The following SNX13 variants were observed in gnomAD, a reference collection of about 807,000 sequenced individuals.
SNX13 encodes sorting nexin-13.
Under a neutral mutation model 133.6 loss-of-function variants are expected in SNX13, and 45 were observed. The observed-to-expected ratio is 0.34, with a 90% CI of 0.27 to 0.43. The LOEUF is 0.43. SNX13 is among the 20% of genes least tolerant of loss of function. The pLI, the probability that SNX13 is intolerant of heterozygous loss-of-function variation, is 1.00. For missense variants in SNX13, 1,032 were observed against 1,145.1 expected, an observed-to-expected ratio of 0.90 and a Z score of 1.43; for synonymous variants, 414 against 373.9, an observed-to-expected ratio of 1.11 and a Z score of -1.24.
intron 12 of SNX13, among the ~76,000 whole-genome samples, chr7:17,842,834 A>C (rs1201397466): frequency 6.6e-6 from 1 of 152,038 alleles, no homozygotes; most frequent in Non-Finnish European, 1.5e-5. Context: ...CAAAGTTTTG[A>C]ATACATTTGA....
intron 1 of SNX13, among the ~76,000 whole-genome samples, chr7:17,911,593 G>A (rs1367525384): frequency 2.0e-5 from 3 of 148,910 alleles, no homozygotes; most frequent in South Asian, 2.1e-4. Context: ...AGCCAAGATC[G>A]CGCCACTGCA....
chr7:17,928,018 A>ATTG (rs1800957173), intron 1 of SNX13, among the ~76,000 whole-genome samples: 2 of 152,172 alleles, frequency 1.3e-5, no homozygotes, highest in African/African-American at 2.4e-5. Context: ...AATACAATAA[A>ATTG]AGTCCTAATA....
At chr7:17,870,602 T>A (rs1334332346) in intron 8 of SNX13, among the ~76,000 whole-genome samples, 2 of 152,232 alleles carry the variant, frequency 1.3e-5, no homozygotes, top group East Asian at 1.9e-4. Flanking sequence ...AGGAGTCAAC[T>A]TAATCTTCAA....
intron 20 of SNX13, among the ~76,000 whole-genome samples, chr7:17,811,302 G>C (rs895862824): frequency 2.0e-5 from 3 of 152,154 alleles, no homozygotes; most frequent in Non-Finnish European, 4.4e-5. Context: ...CTTCAGCAAA[G>C]TCCCAGGATA....
At chr7:17,872,051 G>A (rs991572976) in intron 8 of SNX13, among the ~76,000 whole-genome samples, 2 of 152,328 alleles carry the variant, frequency 1.3e-5, no homozygotes, top group East Asian at 3.9e-4. Flanking sequence ...AGTCACTCAA[G>A]TGGTGATTTC....
intron 1 of SNX13, among the ~76,000 whole-genome samples, chr7:17,922,250 C>A (rs991943072): frequency 8.5e-5 from 13 of 152,216 alleles, no homozygotes; most frequent in Non-Finnish European, 1.8e-4. Context: ...AGAATACTCA[C>A]AACAGGGCAG....
chr7:17,842,687 C>T (rs1790040141), intron 12 of SNX13, among the ~76,000 whole-genome samples: 1 of 151,908 alleles, frequency 6.6e-6, no homozygotes, highest in Admixed American at 6.6e-5. Context: ...TTTGTTACTG[C>T]ACATCCTGGT....
chr7:17,861,454 A>G (rs1323110845), intron 9 of SNX13, among the ~76,000 whole-genome samples: 1 of 152,092 alleles, frequency 6.6e-6, no homozygotes, highest in Non-Finnish European at 1.5e-5. Context: ...CACAGCTGTC[A>G]CACTAACGTA....
In SNX13 at chr7:17,891,653, T is replaced by C. The variant is rs1375512708; in HGVS notation, c.229-18A>G. The C allele has an allele frequency of 6.4e-7, 1 of 1,566,776 alleles. No homozygotes were observed. The highest frequency in any genetic ancestry group is 8.8e-7 in the Non-Finnish European group (1 of 1,139,656). On this transcript the variant is annotated intron_variant, in intron 3 of 25. Coordinates refer to ENST00000428135, the MANE Select transcript of SNX13 (RefSeq NM_015132.5). ...TCTAAGCACTTAAAGGAAATCAAAA[T>C]ATCTTACTGAGTAGTTTTCTGATGT...
intron 1 of SNX13, among the ~76,000 whole-genome samples, chr7:17,927,479 G>T (rs917653876): frequency 6.6e-6 from 1 of 152,052 alleles, no homozygotes; most frequent in Admixed American, 6.6e-5. Context: ...ATGGGCTCAA[G>T]CAATCCTTTC....
chr7:17,897,722 TAC>T (rs1387023075), intron 1 of SNX13: 2 of 203,976 alleles, frequency 9.8e-6, no homozygotes, highest in Non-Finnish European at 1.9e-5. Context: ...GAAATAGTTA[TAC>T]AAACTGTTAA....
Position 17,839,914 on chromosome 7 carries a change from C to T in SNX13, c.1252G>A (p.Glu418Lys). Residue 418 changes from glutamate to lysine, a missense_variant, in exon 13 of 26, where the codon GAA becomes AAA. Physicochemically the swap from Glu to Lys is moderately conservative, Grantham distance 56. Coordinates refer to ENST00000428135, the MANE Select transcript of SNX13 (RefSeq NM_015132.5). ...GYRVTAQQQL[E>K]VLLSRQRDGK... The stretch of plus-strand genomic sequence containing the variant: ...TCTCTCTGACGACTTAATAAAACTT[C>T]TAGCTGCTGTTGGGCGGTAACCCGG... The T allele has an allele frequency of 6.2e-7, 1 of 1,612,120 alleles. No individual in the cohort carries two copies. Among genetic ancestry groups the T allele is most frequent in the Non-Finnish European group, 8.5e-7 (1 of 1,178,724 alleles).
intron 9 of SNX13, among the ~76,000 whole-genome samples, chr7:17,859,267 G>GA (rs745478979): frequency 6.6e-6 from 1 of 151,872 alleles, no homozygotes; most frequent in Non-Finnish European, 1.5e-5. Flanking sequence ...TAAACGGGGA[G>GA]AAAATGAGCA....
At chr7:17,903,479 C>A (rs967172900) in intron 1 of SNX13, among the ~76,000 whole-genome samples, 3 of 152,188 alleles carry the variant, frequency 2.0e-5, no homozygotes, top group African/African-American at 7.2e-5. Flanking sequence ...GGAGTTAGGA[C>A]TAGCTGAATT....
intron 20 of SNX13, among the ~76,000 whole-genome samples, chr7:17,805,956 A>C (rs1043909517): frequency 1.3e-5 from 2 of 152,236 alleles, no homozygotes; most frequent in Admixed American, 6.5e-5. Context: ...ATAAAAGCAA[A>C]GTCCATCATT....
intron 25 of SNX13, chr7:17,795,092 T>C (rs1363056005): frequency 2.6e-5 from 4 of 151,446 alleles, no homozygotes; most frequent in Non-Finnish European, 5.9e-5. Flanking sequence ...GAAATAGGGA[T>C]AGTACAAGTT....
Position 17,834,071 on chromosome 7 carries a change from T to A in SNX13, c.1578A>T (p.Gly526=), listed in dbSNP as rs1033719208. 6.4e-7 allele frequency: 1 copy of A among 1,574,764 alleles called. No homozygotes were observed. Among genetic ancestry groups the A allele is most frequent in the Admixed American group, 1.7e-5 (1 of 57,816 alleles). The part of the protein sequence containing the change: ...LDMLKDPSFR[G]SDDGDGESFN... ...CCTTACCTCCATCCCCATCATCGGATCCTCTGAAACTAGGATCTTTTAACA... is the reference window on the plus strand; with the variant it reads ...CCTTACCTCCATCCCCATCATCGGAACCTCTGAAACTAGGATCTTTTAACA... The change falls in exon 15 of 26, where the codon GGA becomes GGT. Residue 526 remains glycine, a synonymous_variant. Coordinates refer to ENST00000428135, the MANE Select transcript of SNX13 (RefSeq NM_015132.5).
chr7:17,841,746 TAAAG>T lies in SNX13; in HGVS notation c.1166-1750_1166-1747del, dbSNP rs1789932177. Reference sequence around the variant, plus strand: ...ACTACCTTAAAGATGCCCAAAAGACTAAAGAAAGATGTAAAAAAGTCAATAAAAC... The same window carrying T: ...ACTACCTTAAAGATGCCCAAAAGACTAAAGATGTAAAAAAGTCAATAAAAC... On this transcript the variant is annotated intron_variant, in intron 12 of 25. Transcript: ENST00000428135. 4.0e-5 allele frequency among the ~76,000 whole-genome samples: 6 copies of T among 150,614 alleles called. No homozygotes were observed. In the South Asian group the frequency reaches 1.3e-3, roughly 32 times the overall value.
intron 12 of SNX13, 79 bp from the exon 13 acceptor site, chr7:17,840,079 G>C: frequency 1.6e-6 from 2 of 1,228,834 alleles, no homozygotes; most frequent in Non-Finnish European, 2.2e-6. Context: ...GACAAGTAAA[G>C]AAGGATTAAA....
Sources: gnomAD v4.1 joint callset for allele counts (sites outside exome capture counted in the v4.1 genomes callset) on GRCh38, gnomAD v4.1.1 for gene constraint, MANE v1.5 for transcripts, NCBI Gene and HGNC (gene_info 2026-07-23, HGNC 2026-07-21) for gene names.